Variants in ANO3 observed in about 807,000 individuals in gnomAD.
ANO3 encodes anoctamin 3.
Under a neutral mutation model 144.8 loss-of-function variants are expected in ANO3, and 99 were observed. The observed-to-expected ratio is 0.68, with a 90% CI of 0.58 to 0.81. The LOEUF (loss-of-function observed/expected upper bound fraction) is 0.81, where lower values mean the gene tolerates loss of function less well. Among genes scored for constraint, ANO3 ranks in the 30% least tolerant of loss-of-function variants. The pLI, the probability that ANO3 is intolerant of heterozygous loss-of-function variation, is 0.00. For synonymous variants in ANO3, 414 were observed against 392.6 expected, an observed-to-expected ratio of 1.05 and a Z score of -0.64; for missense variants, 905 against 1,202.2, an observed-to-expected ratio of 0.75 and a Z score of 3.66.
intron 17 of ANO3, 95 bp downstream of exon 17, chr11:26,599,809 A>C (rs1851740951): frequency 9.1e-7 from 1 of 1,097,252 alleles, no homozygotes; most frequent in Admixed American, 2.9e-5. Context: ...ATTTACATGG[A>C]GCCAAAATAA....
intron 1 of ANO3, among the ~76,000 whole-genome samples, chr11:26,372,876 A>C (rs1856300915): frequency 6.6e-6 from 1 of 152,198 alleles, no homozygotes; most frequent in Admixed American, 6.5e-5. Flanking sequence ...TTCATATTAT[A>C]AACATCAGAT....
intron 4 of ANO3, among the ~76,000 whole-genome samples, chr11:26,481,795 A>G (rs1211365044): frequency 6.6e-6 from 1 of 152,196 alleles, no homozygotes; most frequent in African/African-American, 2.4e-5. Context: ...CTAAAAATCA[A>G]AGAAAACCTA....
intron 1 of ANO3, among the ~76,000 whole-genome samples, chr11:26,388,160 T>G (rs1856784209): frequency 6.6e-6 from 1 of 151,276 alleles, no homozygotes; most frequent in African/African-American, 2.4e-5. Context: ...TTGTATTTTA[T>G]ATTTTTGTCC....
chr11:26,329,140 C>A (rs1170587973), upstream of ANO3, among the ~76,000 whole-genome samples: 1 of 152,098 alleles, frequency 6.6e-6, no homozygotes, highest in African/African-American at 2.4e-5. Context: ...CTTAATGAGG[C>A]TACTTGCTAT....
At chr11:26,348,708 C>T (rs7114586) in intron 1 of ANO3, among the ~76,000 whole-genome samples, 17,213 of 152,162 alleles carry the variant, frequency 0.11, 1,121 homozygotes, top group South Asian at 0.24. Flanking sequence ...ATTTTATTTA[C>T]TCATTCAACA....
intron 11 of ANO3, among the ~76,000 whole-genome samples, chr11:26,545,128 C>T (rs1849754426): frequency 1.3e-5 from 2 of 151,998 alleles, no homozygotes; most frequent in South Asian, 4.1e-4. Flanking sequence ...TTTGTAACTA[C>T]TTATTTTGAG....
intron 1 of ANO3, among the ~76,000 whole-genome samples, chr11:26,397,715 C>T (rs1857051991): frequency 6.6e-6 from 1 of 152,020 alleles, no homozygotes; most frequent in Non-Finnish European, 1.5e-5. Context: ...TCAGTATCCT[C>T]CTTCTAGATA....
At chr11:26,370,146 C>G (rs755822481) in intron 1 of ANO3, among the ~76,000 whole-genome samples, 13 of 152,202 alleles carry the variant, frequency 8.5e-5, no homozygotes, top group Non-Finnish European at 1.6e-4. Flanking sequence ...ATAATCTCCA[C>G]ATGTTGTGAG....
chr11:26,344,612 G>T (rs933941715), intron 1 of ANO3, among the ~76,000 whole-genome samples: 2 of 151,908 alleles, frequency 1.3e-5, no homozygotes, highest in Non-Finnish European at 2.9e-5. Context: ...TGATCCGCCC[G>T]CCTCGGTCTC....
intron 4 of ANO3, among the ~76,000 whole-genome samples, chr11:26,481,174 G>A (rs541609091): frequency 6.6e-6 from 1 of 152,218 alleles, no homozygotes; most frequent in Admixed American, 6.5e-5. Context: ...AGTGACTGCT[G>A]CAAGAACATA....
intron 13 of ANO3, among the ~76,000 whole-genome samples, chr11:26,556,199 A>C (rs17243447): frequency 0.016 from 2,465 of 152,252 alleles, 51 homozygotes; most frequent in Admixed American, 0.033. Context: ...ATTTAAATGC[A>C]CTGACACTAC....
At chr11:26,577,574 A>G (rs1851021792) in intron 14 of ANO3, among the ~76,000 whole-genome samples, 2 of 152,086 alleles carry the variant, frequency 1.3e-5, no homozygotes, top group African/African-American at 2.4e-5. Context: ...CAAAAAAAAA[A>G]AAAAAAGAGA....
intron 14 of ANO3, among the ~76,000 whole-genome samples, chr11:26,593,772 G>A (rs951126488): frequency 6.6e-5 from 10 of 151,226 alleles, no homozygotes; most frequent in Admixed American, 1.3e-4. Flanking sequence ...AGCCCTATTA[G>A]GCATGTGATT....
intron 16 of ANO3, 64 bp downstream of exon 16, chr11:26,599,062 T>C (rs1851721305): frequency 2.0e-6 from 3 of 1,516,150 alleles, no homozygotes; most frequent in South Asian, 2.3e-5. Context: ...AGTTCAATGA[T>C]ACCAACTCAT....
chr11:26,237,172 G>T (rs973397374), intron 1 of ANO3, among the ~76,000 whole-genome samples: 1 of 151,962 alleles, frequency 6.6e-6, no homozygotes, highest in African/African-American at 2.4e-5. Flanking sequence ...TCAATCTATA[G>T]AATTGATTCT....
At chr11:26,359,038 GT>G (rs1218633446) in intron 1 of ANO3, among the ~76,000 whole-genome samples, 2 of 152,068 alleles carry the variant, frequency 1.3e-5, no homozygotes, top group Non-Finnish European at 1.5e-5. Context: ...ATATCTGTTA[GT>G]TCTGGTTCAA....
rs1252852254 is a variant in ANO3, at chr11:26,656,151, G to T, written c.2603G>T (p.Ser868Ile). 1 of 1,613,326 alleles carries T rather than the reference G, an allele frequency of 6.2e-7. No individual in the cohort carries two copies. The highest frequency in any genetic ancestry group is 8.5e-7 in the Non-Finnish European group (1 of 1,179,566). The change falls in exon 25 of 27, where the codon AGC becomes ATC. Residue 868 changes from serine (S) to isoleucine (I), a missense_variant. Around this residue, in one of 4 missense-constraint regions of ANO3, gnomAD observed 597 missense variants for 865.1 expected, o/e 0.69. Transcript: ENST00000256737. ...TGCTTGAAGGGATATGTCAACAATA[G>T]CCTATCCTTCTTTGACCTGAGTGAG... ...ENCLKGYVNN[S>I]LSFFDLSELG...
chr11:26,366,297 A>G (rs1856082238), intron 1 of ANO3, among the ~76,000 whole-genome samples: 1 of 152,104 alleles, frequency 6.6e-6, no homozygotes, highest in Non-Finnish European at 1.5e-5. Context: ...TTCTGGCTTC[A>G]TCCATGTCCC....
intron 14 of ANO3, chr11:26,561,233 A>G: frequency 1.9e-6 from 3 of 1,597,562 alleles, no homozygotes; most frequent in Non-Finnish European, 2.6e-6. Flanking sequence ...GAACTAAAAA[A>G]GTAACAAAAT....
Sources: gnomAD v4.1 joint callset for allele counts (sites outside exome capture counted in the v4.1 genomes callset) on GRCh38, gnomAD v4.1.1 for gene constraint, gnomAD v4.1.1 regional missense constraint, MANE v1.5 for transcripts, NCBI Gene and HGNC (gene_info 2026-07-23, HGNC 2026-07-21) for gene names.